The following USH2A variants were observed in gnomAD, a reference collection of about 807,000 sequenced individuals.
USH2A encodes the protein usherin, also known as Usher syndrome 2A (autosomal recessive, mild).
In USH2A, 443 loss-of-function variants were observed where a neutral mutation model predicts 538.9. The observed-to-expected ratio is 0.82, with a 90% CI of 0.76 to 0.89. The LOEUF (loss-of-function observed/expected upper bound fraction) is 0.89, where lower values mean the gene tolerates loss of function less well. USH2A is among the 40% of genes least tolerant of loss of function. USH2A has a pLI of 0.00. For missense variants in USH2A, 6,633 were observed against 6,324.8 expected, an observed-to-expected ratio of 1.05 and a Z score of -1.65; for synonymous variants, 2,413 against 2,273.5, an observed-to-expected ratio of 1.06 and a Z score of -1.75.
At chr1:216,094,173 C>G (rs1216208159) in intron 22 of USH2A, among the ~76,000 whole-genome samples, 1 of 152,150 alleles carries the variant, frequency 6.6e-6, no homozygotes, top group East Asian at 1.9e-4. Flanking sequence ...TTACTGTACT[C>G]TCCCCTTTCT....
chr1:216,366,336 G>A (rs746914355), intron 3 of USH2A, among the ~76,000 whole-genome samples: 1 of 149,104 alleles, frequency 6.7e-6, no homozygotes, highest in East Asian at 2.0e-4. Context: ...GTGTAGGTCC[G>A]GCAATTGTAA....
At chr1:216,389,147 A>G (rs1167240590) in intron 3 of USH2A, among the ~76,000 whole-genome samples, 2 of 152,226 alleles carry the variant, frequency 1.3e-5, no homozygotes, top group Non-Finnish European at 1.5e-5. Flanking sequence ...ATAAAAATCT[A>G]TAAATGCTAA....
At chr1:215,860,098 C>A (rs1417025129) in intron 44 of USH2A, among the ~76,000 whole-genome samples, 1 of 152,148 alleles carries the variant, frequency 6.6e-6, no homozygotes, top group Non-Finnish European at 1.5e-5. Context: ...ACCTTTTGAC[C>A]TTCTCTGTCA....
intron 2 of USH2A, among the ~76,000 whole-genome samples, chr1:216,420,228 G>A (rs1427286299): frequency 1.3e-5 from 2 of 152,038 alleles, no homozygotes; most frequent in African/African-American, 2.4e-5. Flanking sequence ...ACTCAAGAAT[G>A]TATTTACCAA....
intron 9 of USH2A, among the ~76,000 whole-genome samples, chr1:216,310,272 T>C (rs1349535335): frequency 2.0e-5 from 3 of 152,114 alleles, no homozygotes; most frequent in African/African-American, 2.4e-5. Context: ...CATGGTTCCA[T>C]TTTCTTTCCT....
chr1:216,137,242 G>A (rs1334866495), intron 21 of USH2A, among the ~76,000 whole-genome samples: 2 of 152,128 alleles, frequency 1.3e-5, no homozygotes, highest in East Asian at 1.9e-4. Flanking sequence ...AACAGTGCCT[G>A]TATTAGTTTG....
At chr1:215,626,786 C>T (rs1658813505) in intron 71 of USH2A, among the ~76,000 whole-genome samples, 1 of 152,146 alleles carries the variant, frequency 6.6e-6, no homozygotes, top group South Asian at 2.1e-4. Flanking sequence ...TCTCTCTAAA[C>T]CTCAGTTCTT....
intron 21 of USH2A, among the ~76,000 whole-genome samples, chr1:216,152,085 C>T (rs919169088): frequency 3.3e-5 from 5 of 152,106 alleles, no homozygotes; most frequent in East Asian, 1.9e-4. Context: ...CGCCCCTAAT[C>T]GCACTTGAAG....
intron 30 of USH2A, among the ~76,000 whole-genome samples, chr1:216,054,257 G>A (rs1167808675): frequency 6.6e-6 from 1 of 152,168 alleles, no homozygotes; most frequent in Non-Finnish European, 1.5e-5. Context: ...AACAAGCAAA[G>A]TGACAGACAT....
chr1:215,967,375 G>A (rs1032829267), intron 36 of USH2A, among the ~76,000 whole-genome samples: 4 of 152,004 alleles, frequency 2.6e-5, no homozygotes, highest in African/African-American at 4.8e-5. Context: ...CATCATATTG[G>A]CCAGGCTGGT....
At chr1:216,108,421 C>T (rs1005458747) in intron 21 of USH2A, among the ~76,000 whole-genome samples, 20 of 148,932 alleles carry the variant, frequency 1.3e-4, no homozygotes, top group African/African-American at 4.7e-4. Flanking sequence ...TTTTAGTAAT[C>T]GGACTGTGAG....
Position 216,421,975 on chromosome 1 carries a change from T to C in USH2A, c.362A>G (p.His121Arg). 6.2e-7 allele frequency: 1 copy of C among 1,613,934 alleles called. No individual in the cohort carries two copies. Among genetic ancestry groups the C allele is most frequent in the Non-Finnish European group, 8.5e-7 (1 of 1,179,902 alleles). ...AAAAATAAAACTTGCAGAATTGCTATGGGCGTTAGGATGCAGATCATTCTT... is the reference window on the plus strand; with the variant it reads ...AAAAATAAAACTTGCAGAATTGCTACGGGCGTTAGGATGCAGATCATTCTT... ...PDKNDLHPNA[H>R]SNSASFIFGN... Residue 121 changes from histidine to arginine, a missense_variant, in exon 2 of 72, where the codon CAT (histidine) becomes CGT (arginine). Coordinates refer to ENST00000307340, the MANE Select transcript of USH2A (RefSeq NM_206933.4).
At chr1:216,359,553 T>C (rs1329551200) in intron 4 of USH2A, among the ~76,000 whole-genome samples, 1 of 152,032 alleles carries the variant, frequency 6.6e-6, no homozygotes, top group Non-Finnish European at 1.5e-5. Flanking sequence ...ATACCTTCTT[T>C]TTTAAAACTA....
At chr1:216,196,312 G>GA (rs886488624) in intron 19 of USH2A, among the ~76,000 whole-genome samples, 9 of 150,858 alleles carry the variant, frequency 6.0e-5, no homozygotes, top group Non-Finnish European at 1.2e-4. Context: ...ATGATAAATG[G>GA]AAAAAAAACA....
intron 4 of USH2A, among the ~76,000 whole-genome samples, chr1:216,346,299 GA>G (rs146908337): frequency 0.011 from 1,686 of 152,006 alleles, 22 homozygotes; most frequent in East Asian, 0.035. Flanking sequence ...GACTCCTTGG[GA>G]AAAAAAGGAG....
chr1:216,089,015 G>A lies in USH2A; in HGVS notation c.4883C>T (p.Thr1628Ile), dbSNP rs753854706. ...FGQITLDGIY[T>I]GSSAILNGST... ...TATACATATCAAAAAGTACTTACCT[G>A]TATATATCCCATCCAGAGTGATTTG... is the stretch of plus-strand genomic sequence containing the variant. The change falls in exon 23 of 72, where the codon ACA becomes ATA. Residue 1628 changes from threonine (T) to isoleucine (I), a missense_variant and splice_region_variant. Transcript: ENST00000307340. 1.2e-6 allele frequency: 2 copies of A among 1,613,288 alleles called. No homozygotes were observed. The highest frequency in any genetic ancestry group is 1.7e-5 in the Admixed American group (1 of 59,988).
At chr1:215,834,728 G>A (rs575624103) in intron 47 of USH2A, among the ~76,000 whole-genome samples, 1 of 149,360 alleles carries the variant, frequency 6.7e-6, no homozygotes, top group African/African-American at 2.4e-5. Context: ...GGAATCTTTT[G>A]ATCTGCACAG....
intron 31 of USH2A, among the ~76,000 whole-genome samples, chr1:216,048,054 T>C (rs1429255714): frequency 6.6e-6 from 1 of 152,218 alleles, no homozygotes; most frequent in Non-Finnish European, 1.5e-5. Context: ...AATGCCTCAA[T>C]TGGCATTTGG....
At chr1:215,893,047 A>G (rs530241225) in intron 40 of USH2A, among the ~76,000 whole-genome samples, 26 of 152,276 alleles carry the variant, frequency 1.7e-4, no homozygotes, top group African/African-American at 6.3e-4. Context: ...CATTGATGTG[A>G]GAATTCATGA....
Sources: gnomAD v4.1 joint callset for allele counts (sites outside exome capture counted in the v4.1 genomes callset) on GRCh38, gnomAD v4.1.1 for gene constraint, MANE v1.5 for transcripts, NCBI Gene and HGNC (gene_info 2026-07-23, HGNC 2026-07-21) for gene names.